Variants in ADAMTS16 observed in about 807,000 individuals in gnomAD.
ADAMTS16 encodes ADAM metallopeptidase with thrombospondin type 1 motif 16.
ADAMTS16 carries 94 observed loss-of-function variants against 145.8 expected under a neutral mutation model. The observed-to-expected ratio is 0.64, with a 90% confidence interval of 0.55 to 0.77. The LOEUF is 0.77. ADAMTS16 is among the 30% of genes least tolerant of loss of function. ADAMTS16 has a pLI of 0.00. For synonymous variants in ADAMTS16, 659 were observed against 604.3 expected (o/e 1.09, Z -1.33); for missense variants, 1,585 against 1,591.5 (o/e 1.00, Z 0.07).
At chr5:5,225,279 C>G (rs1353810368) in intron 11 of ADAMTS16, among the ~76,000 whole-genome samples, 1 of 152,098 alleles carries the variant, frequency 6.6e-6, no homozygotes, top group Non-Finnish European at 1.5e-5. Context: ...CTGCTCTTTC[C>G]AAAGAGGACT....
chr5:5,240,312 A>G (rs1336301290), intron 16 of ADAMTS16, among the ~76,000 whole-genome samples: 4 of 152,170 alleles, frequency 2.6e-5, no homozygotes, highest in Admixed American at 2.6e-4. Flanking sequence ...AGGAGAGCCC[A>G]GAGGTGAAGC....
chr5:5,273,012 C>T (rs1404674358), intron 18 of ADAMTS16, among the ~76,000 whole-genome samples: 2 of 152,138 alleles, frequency 1.3e-5, no homozygotes, highest in African/African-American at 4.8e-5. Flanking sequence ...CTTCCAGAGT[C>T]ATTAGAGCTT....
intron 22 of ADAMTS16, 101 bp downstream of exon 22, chr5:5,318,382 G>C: frequency 8.5e-7 from 1 of 1,170,786 alleles, no homozygotes. Flanking sequence ...TCTTGCGTCT[G>C]ATCTACCTTT....
At chr5:5,175,958 C>A (rs948434821) in intron 3 of ADAMTS16, 9 of 152,230 alleles carry the variant, frequency 5.9e-5, no homozygotes, top group Admixed American at 3.9e-4. Flanking sequence ...ACTCTTTCAG[C>A]AATATGAGGT....
At chr5:5,228,246 A>G (rs1736823885) in intron 11 of ADAMTS16, among the ~76,000 whole-genome samples, 1 of 152,246 alleles carries the variant, frequency 6.6e-6, no homozygotes, top group South Asian at 2.1e-4. Context: ...ATTAGACTGT[A>G]CATTCCAAGT....
chr5:5,254,425 A>T (rs1003367207), intron 17 of ADAMTS16, among the ~76,000 whole-genome samples: 1 of 152,106 alleles, frequency 6.6e-6, no homozygotes, highest in African/African-American at 2.4e-5. Flanking sequence ...CCTTAATGGG[A>T]ATATTTCTAA....
chr5:5,175,202 G>A (rs1735153460), intron 3 of ADAMTS16, among the ~76,000 whole-genome samples: 1 of 152,108 alleles, frequency 6.6e-6, no homozygotes, highest in Non-Finnish European at 1.5e-5. Context: ...CAGGCCCCAG[G>A]GCTCTCTACT....
chr5:5,305,013 C>CACA (rs1739993282), intron 20 of ADAMTS16, among the ~76,000 whole-genome samples: 1 of 71,674 alleles, frequency 1.4e-5, no homozygotes, highest in Non-Finnish European at 3.0e-5. Context: ...ACATCCCACA[C>CACA]CACACACACA....
At chr5:5,206,630 C>G (rs1736130296) in intron 9 of ADAMTS16, among the ~76,000 whole-genome samples, 1 of 151,524 alleles carries the variant, frequency 6.6e-6, no homozygotes, top group Non-Finnish European at 1.5e-5. Context: ...CAGATGCACA[C>G]CACCATGCCT....
chr5:5,232,077 A>G (rs954365907), intron 11 of ADAMTS16, among the ~76,000 whole-genome samples: 6 of 152,198 alleles, frequency 3.9e-5, no homozygotes, highest in African/African-American at 1.4e-4. Context: ...TATTCAGATA[A>G]CACTCCTTCA....
At chr5:5,223,111 CAT>C in intron 11 of ADAMTS16, 1 of 534,708 alleles carries the variant, frequency 1.9e-6, no homozygotes, top group Non-Finnish European at 3.3e-6. Flanking sequence ...AATTCATAGA[CAT>C]AGAAATCAGA....
At chr5:5,233,807 T>C (rs577123886) in intron 12 of ADAMTS16, among the ~76,000 whole-genome samples, 1 of 152,314 alleles carries the variant, frequency 6.6e-6, no homozygotes, top group Admixed American at 6.5e-5. Flanking sequence ...TGAACATTCA[T>C]GTGCGTGTGT....
intron 2 of ADAMTS16, among the ~76,000 whole-genome samples, chr5:5,144,509 A>T (rs1051411632): frequency 6.6e-6 from 1 of 152,094 alleles, no homozygotes; most frequent in African/African-American, 2.4e-5. Flanking sequence ...TTATTGTTTA[A>T]AATTTTACCT....
intron 3 of ADAMTS16, among the ~76,000 whole-genome samples, chr5:5,157,784 C>A (rs1011873728): frequency 1.1e-4 from 16 of 152,072 alleles, no homozygotes; most frequent in African/African-American, 2.4e-5. Flanking sequence ...TGTGTTAAAC[C>A]CCTCTTTACG....
At chr5:5,242,324 G>A in intron 17 of ADAMTS16, 133 bp downstream of exon 17, 5 of 1,238,032 alleles carry the variant, frequency 4.0e-6, no homozygotes, top group South Asian at 3.3e-5. Flanking sequence ...ACATTCCCAA[G>A]GTGGGGAGTG....
chr5:5,308,535 G>A (rs1349476756), intron 21 of ADAMTS16, among the ~76,000 whole-genome samples: 1 of 152,144 alleles, frequency 6.6e-6, no homozygotes, highest in Non-Finnish European at 1.5e-5. Context: ...CTCCCAGGGA[G>A]CACCTCACAC....
At chr5:5,178,979 T>A (rs1376918757) in intron 3 of ADAMTS16, among the ~76,000 whole-genome samples, 2 of 151,996 alleles carry the variant, frequency 1.3e-5, no homozygotes, top group Non-Finnish European at 2.9e-5. Context: ...CCTCAGGGGC[T>A]CTCTGAATTA....
chr5:5,319,845 A>AGG lies in ADAMTS16; in HGVS notation c.*708_*709dup. 2.2e-6 allele frequency: 1 copy of AGG among 455,258 alleles called. No individual in the cohort carries two copies. 28.2% of individuals were successfully genotyped at this position (455,258 alleles called of 1,614,324 possible). ...TATCTCTTTCAGATTCATGCATTGA[A>AGG]GGAGAGATTTTTTATACTTTATGTT... On this transcript the variant is annotated 3_prime_UTR_variant, in exon 23 of 23. Coordinates refer to ENST00000274181, the MANE Select transcript of ADAMTS16 (RefSeq NM_139056.4).
rs192650661 is a variant in ADAMTS16, at chr5:5,153,760, G to A, written c.501+7305G>A. Among the ~76,000 whole-genome samples, 11 of 152,194 alleles carry A rather than the reference G, an allele frequency of 7.2e-5. No individual in the cohort carries two copies. In the East Asian group the frequency reaches 1.5e-3, roughly 21 times the overall value. ...TAGAAAAAAATATATATAATCTGTC[G>A]ACTGCCATTGGCATAAAATCTGCAT... On this transcript the variant is annotated intron_variant, in intron 3 of 22. Transcript: ENST00000274181.
Sources: gnomAD v4.1 joint callset for allele counts (sites outside exome capture counted in the v4.1 genomes callset) on GRCh38, gnomAD v4.1.1 for gene constraint, MANE v1.5 for transcripts, NCBI Gene and HGNC (gene_info 2026-07-23, HGNC 2026-07-21) for gene names.